Variants in CRADD observed in about 807,000 individuals in gnomAD.
The protein encoded by CRADD is death domain-containing protein CRADD.
A neutral mutation model predicts 15.5 loss-of-function variants in CRADD; 9 were observed. That is an observed-to-expected ratio of 0.58 (90% CI 0.35 to 1.01). The LOEUF is 1.01. CRADD is among the 50% of genes least tolerant of loss of function. The probability of loss-of-function intolerance (pLI) is 0.02; values close to 1 mark genes in which losing one functional copy is unlikely to be tolerated. For missense variants in CRADD, 227 were observed against 250.3 expected (o/e 0.91, Z 0.63); for synonymous variants, 118 against 107.6 (o/e 1.10, Z -0.60).
At chr12:93,849,853 CA>C (rs1958188551) in intron 2 of CRADD, 116 bp from the exon 3 acceptor site, 1 of 698,474 alleles carries the variant, frequency 1.4e-6, no homozygotes, top group African/African-American at 1.8e-5. Flanking sequence ...AGACAAGAGC[CA>C]ATTGGCTCTG....
chr12:93,840,622 A>G (rs1406714324), intron 2 of CRADD, among the ~76,000 whole-genome samples: 3 of 151,268 alleles, frequency 2.0e-5, no homozygotes, highest in Non-Finnish European at 2.9e-5. Flanking sequence ...GCTGGAGTGC[A>G]ATGGCTCAAT....
intron 2 of CRADD, among the ~76,000 whole-genome samples, chr12:93,885,442 G>A (rs116105851): frequency 1.3e-5 from 2 of 151,356 alleles, no homozygotes; most frequent in African/African-American, 2.4e-5. Context: ...TCGTGCCCCC[G>A]CCACCCCCCA....
intron 2 of CRADD, among the ~76,000 whole-genome samples, chr12:93,726,835 A>G (rs1363188611): frequency 1.3e-5 from 2 of 152,188 alleles, no homozygotes; most frequent in African/African-American, 4.8e-5. Context: ...ACAGAAGGGA[A>G]TAGCACTGTT....
At chr12:93,861,382 A>G (rs1396296316) in intron 2 of CRADD, among the ~76,000 whole-genome samples, 1 of 152,254 alleles carries the variant, frequency 6.6e-6, no homozygotes. Context: ...CAAGATGGCC[A>G]TAGTGAAGTG....
intron 2 of CRADD, among the ~76,000 whole-genome samples, chr12:93,811,395 G>C (rs1157740285): frequency 4.6e-5 from 7 of 152,216 alleles, no homozygotes; most frequent in Admixed American, 4.6e-4. Flanking sequence ...CTTGGCTTTA[G>C]GCTCAGGATG....
chr12:93,715,498 T>C (rs966531668), intron 2 of CRADD, among the ~76,000 whole-genome samples: 1 of 152,130 alleles, frequency 6.6e-6, no homozygotes, highest in African/African-American at 2.4e-5. Flanking sequence ...GGGTGAAATT[T>C]AGTGTTAGGA....
chr12:93,719,534 T>G (rs115526717), intron 2 of CRADD, among the ~76,000 whole-genome samples: 2,515 of 152,318 alleles, frequency 0.017, 57 homozygotes, highest in African/African-American at 0.057. Flanking sequence ...AATTTCTTCC[T>G]TAAATGTTTG....
At chr12:93,876,792 C>T (rs1340788520) in intron 2 of CRADD, among the ~76,000 whole-genome samples, 1 of 152,076 alleles carries the variant, frequency 6.6e-6, no homozygotes. Context: ...CCTGAAAGGT[C>T]ACATATCTCC....
chr12:93,752,515 T>C (rs972263654), intron 2 of CRADD, among the ~76,000 whole-genome samples: 4 of 152,210 alleles, frequency 2.6e-5, no homozygotes, highest in Non-Finnish European at 4.4e-5. Context: ...GGTTAGCAGT[T>C]ATGAGGCACT....
chr12:93,797,959 A>G (rs983853964), intron 2 of CRADD, among the ~76,000 whole-genome samples: 4 of 152,068 alleles, frequency 2.6e-5, no homozygotes, highest in Non-Finnish European at 5.9e-5. Flanking sequence ...TTTCCATTTT[A>G]GTTGTGTCAC....
intron 1 of CRADD, among the ~76,000 whole-genome samples, chr12:93,678,262 T>C (rs1955203151): frequency 1.3e-5 from 2 of 152,218 alleles, no homozygotes; most frequent in Non-Finnish European, 2.9e-5. Flanking sequence ...ATTTCTGTCC[T>C]GCACTCCTAT....
chr12:93,771,594 A>G (rs1220569734), intron 2 of CRADD, among the ~76,000 whole-genome samples: 1 of 152,230 alleles, frequency 6.6e-6, no homozygotes, highest in Admixed American at 6.5e-5. Context: ...AAGAGCACAA[A>G]AAGAAAACCT....
intron 2 of CRADD, among the ~76,000 whole-genome samples, chr12:93,827,629 C>T (rs984448878): frequency 6.6e-6 from 1 of 152,166 alleles, no homozygotes; most frequent in African/African-American, 2.4e-5. Flanking sequence ...TAAGTGACTA[C>T]CAAATCATTT....
intron 2 of CRADD, among the ~76,000 whole-genome samples, chr12:93,755,510 T>G (rs552493984): frequency 3.3e-5 from 5 of 152,348 alleles, no homozygotes; most frequent in Non-Finnish European, 5.9e-5. Flanking sequence ...GTTGGTTGTT[T>G]AACAGCATCA....
Position 93,748,359 on chromosome 12 carries a change from G to A in CRADD, c.298+69287G>A, listed in dbSNP as rs552517709. The stretch of plus-strand genomic sequence containing the variant: ...TCACTCTTGTTGCCCAGGCTGGAGC[G>A]CAATGGTGCAATCTCAGCTCACGGC... On this transcript the variant is annotated intron_variant, in intron 2 of 2. Coordinates refer to ENST00000332896, the MANE Select transcript of CRADD (RefSeq NM_003805.5). Among the ~76,000 whole-genome samples the A allele has an allele frequency of 6.6e-5, 10 of 152,230 alleles. No homozygotes were observed. The South Asian group carries it at 1.0e-3, about 16-fold the overall frequency.
At chr12:93,822,464 G>T (rs1957779258) in intron 2 of CRADD, among the ~76,000 whole-genome samples, 1 of 152,204 alleles carries the variant, frequency 6.6e-6, no homozygotes, top group African/African-American at 2.4e-5. Flanking sequence ...TTGTTGCCAT[G>T]AAGCTGAGAC....
At chr12:93,773,773 A>G (rs1957110472) in intron 2 of CRADD, among the ~76,000 whole-genome samples, 1 of 145,434 alleles carries the variant, frequency 6.9e-6, no homozygotes, top group South Asian at 2.2e-4. Context: ...TTCCACTCAG[A>G]TTACATTGGC....
chr12:93,807,293 G>A (rs1193142341), intron 2 of CRADD, among the ~76,000 whole-genome samples: 1 of 152,066 alleles, frequency 6.6e-6, no homozygotes, highest in African/African-American at 2.4e-5. Context: ...CTTTTCATAG[G>A]AGCACAGAGG....
At chr12:93,846,691 A>G (rs567365685) in intron 2 of CRADD, among the ~76,000 whole-genome samples, 1 of 152,258 alleles carries the variant, frequency 6.6e-6, no homozygotes, top group African/African-American at 2.4e-5. Flanking sequence ...AATAAGGACA[A>G]TATAACAGCC....
Sources: allele counts gnomAD v4.1 joint callset (sites outside exome capture counted in the v4.1 genomes callset), GRCh38; gene constraint gnomAD v4.1.1; transcripts MANE v1.5; gene names NCBI Gene and HGNC (gene_info 2026-07-23, HGNC 2026-07-21).